Variants in PDE3B observed in about 807,000 individuals in gnomAD.
PDE3B encodes the protein phosphodiesterase 3B.
In PDE3B, 66 loss-of-function variants were observed where a neutral mutation model predicts 116.8. The ratio of observed to expected loss-of-function variants is 0.56; its 90% CI spans 0.46 to 0.69. The LOEUF is 0.69. PDE3B is among the 30% of genes least tolerant of loss of function. The probability of loss-of-function intolerance (pLI) is 0.00; values close to 1 mark genes in which losing one functional copy is unlikely to be tolerated. For synonymous variants in PDE3B, 595 were observed against 533.6 expected (o/e 1.12, Z -1.59); for missense variants, 1,384 against 1,368.1 (o/e 1.01, Z -0.18).
At chr11:14,760,657 G>T (rs1857334907) in intron 1 of PDE3B, among the ~76,000 whole-genome samples, 1 of 151,998 alleles carries the variant, frequency 6.6e-6, no homozygotes, top group Admixed American at 6.6e-5. Context: ...ATATTCACAT[G>T]GTTCAAAATG....
chr11:14,762,219 A>G (rs1857382159), intron 1 of PDE3B, among the ~76,000 whole-genome samples: 1 of 151,948 alleles, frequency 6.6e-6, no homozygotes, highest in Admixed American at 6.6e-5. Context: ...CCTGGGCTCA[A>G]ATACTCCTCC....
At chr11:14,898,309 T>TA in the PDE3B span, among the ~76,000 whole-genome samples, 1 of 152,062 alleles carries the variant, frequency 6.6e-6, no homozygotes, top group Non-Finnish European at 1.5e-5. Context: ...GAAGAAGGAA[T>TA]AATCCCTACT....
chr11:14,667,606 C>A (rs1289921935), intron 1 of PDE3B, among the ~76,000 whole-genome samples: 1 of 150,470 alleles, frequency 6.6e-6, no homozygotes, highest in East Asian at 2.0e-4. Flanking sequence ...CCAAACACTG[C>A]ATGTTCTCAC....
chr11:14,783,624 G>C (rs1858099882), intron 2 of PDE3B, among the ~76,000 whole-genome samples: 1 of 152,076 alleles, frequency 6.6e-6, no homozygotes, highest in Non-Finnish European at 1.5e-5. Context: ...TGGGGGAGTG[G>C]GGAGGGATAG....
intron 2 of PDE3B, chr11:14,773,982 T>G (rs1437945252): frequency 6.6e-6 from 1 of 152,292 alleles, no homozygotes; most frequent in Admixed American, 6.5e-5. Context: ...TCCCAGCCCC[T>G]TGGGACTATA....
intron 1 of PDE3B, among the ~76,000 whole-genome samples, chr11:14,763,307 A>G (rs1857411561): frequency 6.6e-6 from 1 of 152,148 alleles, no homozygotes; most frequent in Non-Finnish European, 1.5e-5. Flanking sequence ...AGACTTGACC[A>G]TTGGTTTTAA....
chr11:14,789,918 G>A (rs1858332594), intron 4 of PDE3B, among the ~76,000 whole-genome samples: 1 of 151,964 alleles, frequency 6.6e-6, no homozygotes, highest in African/African-American at 2.4e-5. Flanking sequence ...GAAGGATACT[G>A]ATCCTTGTGT....
chr11:14,660,842 C>G (rs1290974332), intron 1 of PDE3B, among the ~76,000 whole-genome samples: 1 of 152,100 alleles, frequency 6.6e-6, no homozygotes, highest in African/African-American at 2.4e-5. Flanking sequence ...ATGTAAGCAT[C>G]CTGAAGATAA....
At chr11:14,817,765 T>A (rs533408503) in intron 5 of PDE3B, among the ~76,000 whole-genome samples, 1 of 152,156 alleles carries the variant, frequency 6.6e-6, no homozygotes, top group African/African-American at 2.4e-5. Flanking sequence ...TTAAATAAAA[T>A]TTAATTTTAT....
intron 1 of PDE3B, among the ~76,000 whole-genome samples, chr11:14,721,459 A>G (rs991023679): frequency 6.6e-6 from 1 of 151,560 alleles, no homozygotes; most frequent in African/African-American, 2.4e-5. Context: ...ATGCTGCTAT[A>G]AAGACACATG....
chr11:14,675,749 A>C (rs889756903), intron 1 of PDE3B, among the ~76,000 whole-genome samples: 5 of 152,114 alleles, frequency 3.3e-5, no homozygotes, highest in Non-Finnish European at 7.4e-5. Flanking sequence ...AATACATCAC[A>C]ATTTATTTAT....
At chr11:14,817,464 C>T (rs370621830) in intron 5 of PDE3B, among the ~76,000 whole-genome samples, 1 of 152,048 alleles carries the variant, frequency 6.6e-6, no homozygotes, top group African/African-American at 2.4e-5. Context: ...AATTTTAGTT[C>T]TTTGGCCAGA....
chr11:14,865,531 C>T (rs1225768416), intron 14 of PDE3B, among the ~76,000 whole-genome samples: 2 of 152,160 alleles, frequency 1.3e-5, no homozygotes, highest in African/African-American at 4.8e-5. Flanking sequence ...CAATGTTTTA[C>T]ACCCACCAGC....
chr11:14,890,169 AG>A, the PDE3B span, among the ~76,000 whole-genome samples: 170 of 152,116 alleles, frequency 1.1e-3, 3 homozygotes, highest in East Asian at 0.029. Flanking sequence ...ACAATAACCA[AG>A]AACACTTGAG....
intron 14 of PDE3B, among the ~76,000 whole-genome samples, chr11:14,866,170 A>G (rs1204020207): frequency 6.6e-6 from 1 of 152,222 alleles, no homozygotes; most frequent in Non-Finnish European, 1.5e-5. Context: ...ATAAGTGCTC[A>G]ATAAATGTTA....
intron 1 of PDE3B, among the ~76,000 whole-genome samples, chr11:14,702,682 A>AT (rs1855401187): frequency 6.6e-6 from 1 of 151,870 alleles, no homozygotes; most frequent in East Asian, 1.9e-4. Flanking sequence ...AAAATTAGAG[A>AT]TTCAGTTTGC....
intron 1 of PDE3B, among the ~76,000 whole-genome samples, chr11:14,741,188 A>G (rs185885405): frequency 9.9e-5 from 15 of 152,062 alleles, no homozygotes; most frequent in South Asian, 6.2e-4. Context: ...TCTGTCTAAT[A>G]TTGTCAGTGG....
At chr11:14,769,495 C>G (rs974486194) in intron 1 of PDE3B, among the ~76,000 whole-genome samples, 3 of 150,572 alleles carry the variant, frequency 2.0e-5, no homozygotes, top group African/African-American at 7.3e-5. Context: ...AGAACTTTCA[C>G]AAAATATAAG....
chr11:14,895,928 A>G, the PDE3B span, among the ~76,000 whole-genome samples: 2 of 147,088 alleles, frequency 1.4e-5, no homozygotes, highest in Admixed American at 1.4e-4. Context: ...TGGCATGGTG[A>G]TGATGATGAT....
Sources: allele counts gnomAD v4.1 joint callset (sites outside exome capture counted in the v4.1 genomes callset), GRCh38; gene constraint gnomAD v4.1.1; transcripts MANE v1.5; gene names NCBI Gene and HGNC (gene_info 2026-07-23, HGNC 2026-07-21).